ADGRB2: variants seen among roughly 807,000 people sequenced by gnomAD.
The protein encoded by ADGRB2 is adhesion G protein-coupled receptor B2, also known as brain-specific angiogenesis inhibitor 2.
ADGRB2 carries 47 observed loss-of-function variants against 178.7 expected under a neutral mutation model. That is an observed-to-expected ratio of 0.26 (90% CI 0.21 to 0.34). The LOEUF is 0.34. Ranked by LOEUF, ADGRB2 falls within the 10% of genes least tolerant of loss-of-function variation. The probability of loss-of-function intolerance (pLI) is 1.00; values close to 1 mark genes in which losing one functional copy is unlikely to be tolerated. For missense variants in ADGRB2, 1,584 were observed against 2,180.8 expected (o/e 0.73, Z 5.45); for synonymous variants, 870 against 912.4 (o/e 0.95, Z 0.84).
chr1:31,759,564 A>G lies in ADGRB2; in HGVS notation c.-190-2053T>C. On this transcript the variant is annotated intron_variant, in intron 1 of 32. Transcript: ENST00000373658. The surrounding 1 kb of genome is among the most constrained non-coding windows in gnomAD (Gnocchi z 4.3). ...CCAATCCAACCCCCCTCCTCCCCTC[A>G]GTCTCCTTCAGACACCTTCACGCTC... 2 of 598,236 alleles carry G rather than the reference A, an allele frequency of 3.3e-6. No homozygotes were observed. Among genetic ancestry groups the G allele is most frequent in the Admixed American group, 5.9e-5 (2 of 33,930 alleles). The allele number at this position is 598,236 out of a possible 1,614,324, so 37.1% of individuals were successfully genotyped here.
Position 31,727,643 on chromosome 1 carries a change from A to G in ADGRB2, c.4573-38T>C, listed in dbSNP as rs562207126. 1 of 1,457,950 alleles carries G rather than the reference A, an allele frequency of 6.9e-7. No homozygotes were observed. Among genetic ancestry groups the G allele is most frequent in the African/African-American group, 1.4e-5 (1 of 69,746 alleles). 90.3% of individuals were successfully genotyped at this position (1,457,950 alleles called of 1,614,324 possible). A position where few individuals can be genotyped will look rare whatever the true frequency, so the allele number is the denominator to read the frequency against. On this transcript the variant is annotated intron_variant, in intron 32 of 32. Coordinates refer to ENST00000373658, the MANE Select transcript of ADGRB2 (RefSeq NM_001364857.2). This position sits in a 1 kb window ranked among gnomAD's most constrained non-coding sequence, Gnocchi z 4.4. ...CGGGAGGGGCCGTGGAGATGGGCCA[A>G]TATCCTTACCCATTGTACAGACGAT...
In ADGRB2 at chr1:31,755,856, G is replaced by T; in HGVS notation, c.838+143C>A. On this transcript the variant is annotated intron_variant, in intron 4 of 32. Coordinates refer to ENST00000373658, the MANE Select transcript of ADGRB2 (RefSeq NM_001364857.2). The surrounding 1 kb of genome is among the most constrained non-coding windows in gnomAD (Gnocchi z 5.1). Reference sequence around the variant, plus strand: ...AGGTCTCACTGCCATGCATTTTGGTGACCGCAACATTTGGACAAGGCTCAG... The same window carrying T: ...AGGTCTCACTGCCATGCATTTTGGTTACCGCAACATTTGGACAAGGCTCAG... The T allele has an allele frequency of 8.5e-7, 1 of 1,171,066 alleles. No homozygotes were observed. The highest frequency in any genetic ancestry group is 1.2e-6 in the Non-Finnish European group (1 of 839,688). 72.5% of individuals were successfully genotyped at this position (1,171,066 alleles called of 1,614,324 possible).
chr1:31,744,433 A>G lies in ADGRB2; in HGVS notation c.923-76T>C. On this transcript the variant is annotated intron_variant, in intron 5 of 32. Coordinates refer to ENST00000373658, the MANE Select transcript of ADGRB2 (RefSeq NM_001364857.2). The surrounding 1 kb of genome is among the most constrained non-coding windows in gnomAD (Gnocchi z 6.7). The stretch of plus-strand genomic sequence containing the variant: ...GTCTCATAGGGATAGGGGGAGTGGC[A>G]GTAAGGTGGGGGCAGGCATCAGAGG... The G allele has an allele frequency of 6.6e-7, 1 of 1,523,678 alleles. No homozygotes were observed. The highest frequency in any genetic ancestry group is 8.8e-7 in the Non-Finnish European group (1 of 1,135,304). The allele number at this position is 1,523,678 out of a possible 1,614,324, so 94.4% of individuals were successfully genotyped here.
In ADGRB2 at chr1:31,731,241, C is replaced by T. The variant is rs763679991; in HGVS notation, c.3939G>A (p.Gly1313=). The part of the protein sequence containing the change: ...LVPMAASPGL[G]EPPPPQEANP... ...TGGCCTCCTGTGGGGGCGGAGGCTC[C>T]CCCAGCCCTGGTGAGGCTGCCATGG... Residue 1313 remains glycine, a synonymous_variant, in exon 29 of 33, where the codon GGG becomes GGA. Transcript: ENST00000373658. 25 of 1,607,432 alleles carry T rather than the reference C, an allele frequency of 1.6e-5. No individual in the cohort carries two copies. The highest frequency in any genetic ancestry group is 1.9e-5 in the Non-Finnish European group (22 of 1,177,660).
intron 1 of ADGRB2, among the ~76,000 whole-genome samples, chr1:31,762,867 G>A (rs1033028958): frequency 1.3e-5 from 2 of 152,158 alleles, no homozygotes; most frequent in African/African-American, 4.8e-5. Context: ...TGGCGAGGCG[G>A]GCAGGCAGGC....
chr1:31,743,029 T>G (rs1646066015), intron 6 of ADGRB2, 27 bp from the exon 7 acceptor site: 2 of 1,382,944 alleles, frequency 1.4e-6, no homozygotes, highest in East Asian at 6.0e-5. Flanking sequence ...GGCCGGTGGC[T>G]GGGCGGCACC....
chr1:31,745,946 C>A (rs1487382344), intron 4 of ADGRB2, among the ~76,000 whole-genome samples: 1 of 152,184 alleles, frequency 6.6e-6, no homozygotes, highest in East Asian at 1.9e-4. Context: ...CACTCTGGGG[C>A]CTTTCCCTCC....
chr1:31,749,581 A>C (rs935797520), intron 4 of ADGRB2, among the ~76,000 whole-genome samples: 1 of 152,242 alleles, frequency 6.6e-6, no homozygotes, highest in African/African-American at 2.4e-5. Context: ...GTGAAAACAG[A>C]GATGTGGACT....
At chr1:31,757,963 A>T (rs973154941) in intron 1 of ADGRB2, among the ~76,000 whole-genome samples, 4 of 152,172 alleles carry the variant, frequency 2.6e-5, no homozygotes, top group African/African-American at 9.7e-5. Flanking sequence ...CAGAGCAGTC[A>T]GGCCAGAGTG....
intron 4 of ADGRB2, among the ~76,000 whole-genome samples, chr1:31,747,582 T>A (rs2149000052): frequency 1.3e-5 from 2 of 152,080 alleles, no homozygotes; most frequent in Middle Eastern, 6.8e-3. Context: ...GGCCACCCCC[T>A]CTTCTATGTG....
Position 31,727,847 on chromosome 1 carries a change from C to G in ADGRB2, c.4572+178G>C. The stretch of plus-strand genomic sequence containing the variant: ...TCTCCCTCCCAATCCTGGAGGACCT[C>G]CACCCCTGTTCGCCATCTGCAGCAC... On this transcript the variant is annotated intron_variant, in intron 32 of 32. Coordinates refer to ENST00000373658, the MANE Select transcript of ADGRB2 (RefSeq NM_001364857.2). The surrounding 1 kb of genome is among the most constrained non-coding windows in gnomAD (Gnocchi z 4.4). 1.1e-6 allele frequency: 1 copy of G among 948,932 alleles called. No individual in the cohort carries two copies. Among genetic ancestry groups the G allele is most frequent in the Non-Finnish European group, 1.5e-6 (1 of 655,644 alleles). 58.8% of individuals were successfully genotyped at this position (948,932 alleles called of 1,614,324 possible).
At chr1:31,738,177 C>T in intron 18 of ADGRB2, 23 bp downstream of exon 18, 2 of 1,612,486 alleles carry the variant, frequency 1.2e-6, no homozygotes, top group East Asian at 2.2e-5. Flanking sequence ...CTTATTCAGC[C>T]CAGGCACCTC....
In ADGRB2 at chr1:31,756,395, A is replaced by T. The variant is rs1244153621; in HGVS notation, c.442T>A (p.Phe148Ile). 3.1e-6 allele frequency: 5 copies of T among 1,612,970 alleles called. No individual in the cohort carries two copies. The East Asian group carries it at 8.9e-5, about 29-fold the overall frequency. Residue 148 changes from phenylalanine (F) to isoleucine (I), a missense_variant, in exon 4 of 33, where the codon TTT (phenylalanine) becomes ATT (isoleucine). This residue lies in a region of ADGRB2 where 657 missense variants were observed against 847.6 expected (regional missense o/e 0.78). Transcript: ENST00000373658. This position sits in a 1 kb window ranked among gnomAD's most constrained non-coding sequence, Gnocchi z 8.5. ...TTCTTGTCGAAGTGCAGGAAGGTAA[A>T]GGGGCCTGAGCCGCTGCACAGCTCC... ...GLELCSGSGPFTFLHFDKNFV... is the reference protein window; with the variant it reads ...GLELCSGSGPITFLHFDKNFV...
Position 31,728,628 on chromosome 1 carries a change from C to A in ADGRB2, c.4386G>T (p.Lys1462Asn). The A allele has an allele frequency of 1.2e-6, 2 of 1,614,098 alleles. No individual in the cohort carries two copies. The highest frequency in any genetic ancestry group is 1.7e-6 in the Non-Finnish European group (2 of 1,180,012). ...STMKMGSLERKKLRYSDLDFE... is the reference protein window; with the variant it reads ...STMKMGSLERNKLRYSDLDFE... The stretch of plus-strand genomic sequence containing the variant: ...AGTCCAGGTCTGAATACCGTAATTT[C>A]TTTCGCTGGGAAGGAGCAACAAGGA... Residue 1462 changes from lysine (K) to asparagine (N), a missense_variant, in exon 30 of 33, where the codon AAG (lysine) becomes AAT (asparagine). Physicochemically the swap from Lys to Asn is moderately conservative, Grantham distance 94. Coordinates refer to ENST00000373658, the MANE Select transcript of ADGRB2 (RefSeq NM_001364857.2). The surrounding 1 kb of genome is among the most constrained non-coding windows in gnomAD (Gnocchi z 6.7).
rs202099864 is a variant in ADGRB2 at position 31,756,731 on chromosome 1, C to T, written c.106G>A (p.Ala36Thr). 15 of 1,582,798 alleles carry T rather than the reference C, an allele frequency of 9.5e-6. No individual in the cohort carries two copies. In the Admixed American group the frequency reaches 2.2e-4, roughly 24 times the overall value. ...SLRLATAFDP[A>T]PSACSALASG... Reference sequence around the variant, plus strand: ...GCCAGGGCAGAGCAGGCACTGGGGGCGGGGTCGAAGGCGGTGGCCAGGCGC... The same window carrying T: ...GCCAGGGCAGAGCAGGCACTGGGGGTGGGGTCGAAGGCGGTGGCCAGGCGC... The change falls in exon 4 of 33, where the codon GCC becomes ACC. Residue 36 changes from alanine to threonine, a missense_variant. Coordinates refer to ENST00000373658, the MANE Select transcript of ADGRB2 (RefSeq NM_001364857.2). This position sits in a 1 kb window ranked among gnomAD's most constrained non-coding sequence, Gnocchi z 8.5.
rs546342716 is a variant in ADGRB2, at chr1:31,735,668, G to A, written c.3268-3C>T. On this transcript the variant is annotated splice_region_variant and splice_polypyrimidine_tract_variant and intron_variant, in intron 23 of 32. Transcript: ENST00000373658. This position sits in a 1 kb window ranked among gnomAD's most constrained non-coding sequence, Gnocchi z 6.0. ...ATGATTCCGATGAGCATGTTCACCTGGGGGCCCAGTAGAGTGGAGTGGGGG... is the reference window on the plus strand; with the variant it reads ...ATGATTCCGATGAGCATGTTCACCTAGGGGCCCAGTAGAGTGGAGTGGGGG... The A allele has an allele frequency of 3.8e-6, 6 of 1,594,444 alleles. No individual in the cohort carries two copies. In the South Asian group the frequency reaches 4.5e-5, roughly 12 times the overall value.
intron 7 of ADGRB2, 45 bp from the exon 8 acceptor site, chr1:31,742,262 G>A: frequency 6.4e-7 from 1 of 1,554,402 alleles, no homozygotes; most frequent in East Asian, 2.3e-5. Flanking sequence ...AGCAGGATGT[G>A]TGAGGGCTGG....
chr1:31,733,200 G>A lies in ADGRB2; in HGVS notation c.3453-57C>T, dbSNP rs1156473728. 28 of 1,528,196 alleles carry A rather than the reference G, an allele frequency of 1.8e-5. No individual in the cohort carries two copies. Among genetic ancestry groups the A allele is most frequent in the Middle Eastern group, 2.3e-4 (1 of 4,402 alleles). 94.7% of individuals were successfully genotyped at this position (1,528,196 alleles called of 1,614,324 possible). A position where few individuals can be genotyped will look rare whatever the true frequency, so the allele number is the denominator to read the frequency against. On this transcript the variant is annotated intron_variant, in intron 25 of 32. Coordinates refer to ENST00000373658, the MANE Select transcript of ADGRB2 (RefSeq NM_001364857.2). The surrounding 1 kb of genome is among the most constrained non-coding windows in gnomAD (Gnocchi z 4.3). ...GACACTCCGGGGGACAGGATGGCTT[G>A]AGCCTAGGCCTCCACTCAGCTGGAG...
chr1:31,751,596 C>T (rs541023973), intron 4 of ADGRB2, among the ~76,000 whole-genome samples: 15 of 152,184 alleles, frequency 9.9e-5, no homozygotes, highest in South Asian at 2.1e-4. Flanking sequence ...AAGTTAATAA[C>T]GGCGCTTTGT....
Sources: allele counts gnomAD v4.1 joint callset (sites outside exome capture counted in the v4.1 genomes callset), GRCh38; gene constraint gnomAD v4.1.1; regional missense constraint gnomAD v4.1.1; non-coding constraint Gnocchi (gnomAD v3.1); transcripts MANE v1.5; gene names NCBI Gene and HGNC (gene_info 2026-07-23, HGNC 2026-07-21).